Variants in IGSF21 observed in about 807,000 individuals in gnomAD.
IGSF21 encodes the protein immunoglobulin superfamily member 21.
A neutral mutation model predicts 46.8 loss-of-function variants in IGSF21; 28 were observed. The ratio of observed to expected loss-of-function variants is 0.60; its 90% CI spans 0.44 to 0.82. The LOEUF (loss-of-function observed/expected upper bound fraction) is 0.82, where lower values mean the gene tolerates loss of function less well. IGSF21 is among the 40% of genes least tolerant of loss of function. IGSF21 has a pLI of 0.00. For missense variants in IGSF21, 624 were observed against 665.5 expected (o/e 0.94, Z 0.69); for synonymous variants, 284 against 273.6 (o/e 1.04, Z -0.38).
At chr1:18,131,059 C>G (rs2086317044) in intron 1 of IGSF21, among the ~76,000 whole-genome samples, 1 of 152,238 alleles carries the variant, frequency 6.6e-6, no homozygotes, top group African/African-American at 2.4e-5. Flanking sequence ...TCTTGACCTC[C>G]TCATTTCCTC....
intron 4 of IGSF21, among the ~76,000 whole-genome samples, chr1:18,341,768 C>G (rs1264018737): frequency 6.6e-6 from 1 of 152,160 alleles, no homozygotes; most frequent in Non-Finnish European, 1.5e-5. Flanking sequence ...GTAGGAAGCC[C>G]AGACTCATAA....
intron 3 of IGSF21, among the ~76,000 whole-genome samples, chr1:18,304,708 T>TACACACACACAC (rs931235898): frequency 1.6e-5 from 1 of 63,270 alleles, no homozygotes; most frequent in African/African-American, 7.7e-5. Flanking sequence ...CACACACACA[T>TACACACACACAC]ACACACACAC....
intron 1 of IGSF21, among the ~76,000 whole-genome samples, chr1:18,136,721 G>T (rs1275858022): frequency 6.6e-6 from 1 of 152,146 alleles, no homozygotes; most frequent in Non-Finnish European, 1.5e-5. Flanking sequence ...TTTGGCTTAG[G>T]ATTGACTTGG....
chr1:18,376,251 C>CCT, intron 6 of IGSF21, 59 bp from the exon 7 acceptor site: 1 of 1,173,686 alleles, frequency 8.5e-7, no homozygotes, highest in South Asian at 1.2e-5. Flanking sequence ...ACTTTCTCTT[C>CCT]CATGTACCCT....
At chr1:18,225,026 C>T (rs1339854669) in intron 1 of IGSF21, among the ~76,000 whole-genome samples, 1 of 150,704 alleles carries the variant, frequency 6.6e-6, no homozygotes, top group Non-Finnish European at 1.5e-5. Context: ...GATCACACCA[C>T]TGCACTCCAG....
intron 1 of IGSF21, among the ~76,000 whole-genome samples, chr1:18,122,131 C>T (rs1020686913): frequency 7.9e-5 from 12 of 151,944 alleles, no homozygotes; most frequent in Admixed American, 1.3e-4. Flanking sequence ...ACCCTCTTCA[C>T]GACTTTTGTC....
rs750702771 is a variant in IGSF21 at position 18,377,429 on chromosome 1, A to G, written c.1331A>G (p.Asn444Ser). The change falls in exon 9 of 10, where the codon AAT becomes AGT. Residue 444 changes from asparagine to serine, a missense_variant and splice_region_variant. By Grantham distance (46) the Asn-to-Ser change is conservative. Coordinates refer to ENST00000251296, the MANE Select transcript of IGSF21 (RefSeq NM_032880.5). Reference protein sequence around the residue: ...PNIPRGTEDSNGSIGPTGARL... With the variant: ...PNIPRGTEDSSGSIGPTGARL... Reference sequence around the variant, plus strand: ...ATCCCAAGAGGAACGGAGGACTCTAATGGTAAGTCTCTACCCTCAGGATTT... The same window carrying G: ...ATCCCAAGAGGAACGGAGGACTCTAGTGGTAAGTCTCTACCCTCAGGATTT... 8 of 1,613,034 alleles carry G rather than the reference A, an allele frequency of 5.0e-6. No homozygotes were observed. In the East Asian group the frequency reaches 1.6e-4, roughly 31 times the overall value.
chr1:18,315,159 G>A (rs1055799430), intron 3 of IGSF21, among the ~76,000 whole-genome samples: 3 of 152,082 alleles, frequency 2.0e-5, no homozygotes, highest in Non-Finnish European at 2.9e-5. Context: ...GCATTTCCAC[G>A]GCCCATCTCT....
intron 1 of IGSF21, among the ~76,000 whole-genome samples, chr1:18,181,140 C>T (rs575403008): frequency 1.3e-5 from 2 of 152,300 alleles, no homozygotes; most frequent in African/African-American, 2.4e-5. Flanking sequence ...TCCTAGTCCC[C>T]GGCTCAGGGC....
At chr1:18,131,095 C>T (rs1413783028) in intron 1 of IGSF21, among the ~76,000 whole-genome samples, 1 of 152,196 alleles carries the variant, frequency 6.6e-6, no homozygotes, top group Non-Finnish European at 1.5e-5. Context: ...GAATGGAGCT[C>T]CCCGTGGATT....
intron 2 of IGSF21, among the ~76,000 whole-genome samples, chr1:18,269,577 G>T (rs1413173136): frequency 6.6e-6 from 1 of 152,164 alleles, no homozygotes; most frequent in Non-Finnish European, 1.5e-5. Context: ...AGCTGTGTCT[G>T]GGAGCTCCAT....
chr1:18,159,108 T>C (rs2086593735), intron 1 of IGSF21, among the ~76,000 whole-genome samples: 1 of 152,228 alleles, frequency 6.6e-6, no homozygotes, highest in Admixed American at 6.5e-5. Context: ...GTGCTGTCAC[T>C]GTACCCATTA....
In IGSF21 at chr1:18,108,116, G is replaced by C; in HGVS notation, c.-13G>C. On this transcript the variant is annotated 5_prime_UTR_variant, in exon 1 of 10. Transcript: ENST00000251296. The stretch of plus-strand genomic sequence containing the variant: ...CCCCGCCGCCCCGCCACCGCCGCCA[G>C]CTCCCGGGCACCATGCGAACCGCCC... 1 of 1,318,086 alleles carries C rather than the reference G, an allele frequency of 7.6e-7. No individual in the cohort carries two copies. The highest frequency in any genetic ancestry group is 1.0e-6 in the Non-Finnish European group (1 of 1,004,054). 81.6% of individuals were successfully genotyped at this position (1,318,086 alleles called of 1,614,324 possible).
At chr1:18,223,342 C>T (rs1043073291) in intron 1 of IGSF21, among the ~76,000 whole-genome samples, 2 of 152,242 alleles carry the variant, frequency 1.3e-5, no homozygotes, top group Non-Finnish European at 2.9e-5. Flanking sequence ...ATCGATGGAG[C>T]TGCAAACTGG....
At chr1:18,326,053 T>A (rs1569815713) in intron 3 of IGSF21, among the ~76,000 whole-genome samples, 1 of 152,188 alleles carries the variant, frequency 6.6e-6, no homozygotes, top group African/African-American at 2.4e-5. Context: ...CCCCCCTTTT[T>A]TTTCCAGGGA....
intron 1 of IGSF21, among the ~76,000 whole-genome samples, chr1:18,124,030 G>A (rs2086255867): frequency 6.6e-6 from 1 of 152,228 alleles, no homozygotes; most frequent in Admixed American, 6.5e-5. Context: ...GAGCACTCCA[G>A]AGGGACAGGG....
chr1:18,262,232 C>T (rs987522537), intron 2 of IGSF21, among the ~76,000 whole-genome samples: 1 of 152,110 alleles, frequency 6.6e-6, no homozygotes, highest in Non-Finnish European at 1.5e-5. Context: ...ATTTATCCAC[C>T]CACTCCGCAT....
At chr1:18,319,189 C>T (rs1177397720) in intron 3 of IGSF21, among the ~76,000 whole-genome samples, 1 of 152,210 alleles carries the variant, frequency 6.6e-6, no homozygotes, top group Non-Finnish European at 1.5e-5. Flanking sequence ...CTGTGCATGG[C>T]TTCCATTCTG....
intron 3 of IGSF21, among the ~76,000 whole-genome samples, chr1:18,320,184 C>T (rs575896337): frequency 3.3e-5 from 5 of 152,310 alleles, no homozygotes; most frequent in Admixed American, 2.6e-4. Context: ...TACCTTGGAT[C>T]GGATCTTGGT....
Sources: gnomAD v4.1 joint callset for allele counts (sites outside exome capture counted in the v4.1 genomes callset) on GRCh38, gnomAD v4.1.1 for gene constraint, MANE v1.5 for transcripts, NCBI Gene and HGNC (gene_info 2026-07-23, HGNC 2026-07-21) for gene names.